Variants in ADRA1A observed in about 807,000 individuals in gnomAD.
The protein encoded by ADRA1A is alpha-1A adrenergic receptor.
ADRA1A carries 31 observed loss-of-function variants against 29.6 expected under a neutral mutation model. The observed-to-expected ratio is 1.05, with a 90% CI of 0.79 to 1.41. The LOEUF is 1.41. ADRA1A is among the 40% of genes most tolerant of loss of function. ADRA1A has a pLI of 0.00. For synonymous variants in ADRA1A, 311 were observed against 254.3 expected, an observed-to-expected ratio of 1.22 and a Z score of -2.12; for missense variants, 619 against 601.1, an observed-to-expected ratio of 1.03 and a Z score of -0.31.
intron 2 of ADRA1A, chr8:26,853,912 G>T (rs1338074852): frequency 6.6e-6 from 1 of 152,254 alleles, no homozygotes; most frequent in African/African-American, 2.4e-5. Context: ...AAGTGGAAAA[G>T]ATAGTTTTAA....
intron 2 of ADRA1A, among the ~76,000 whole-genome samples, chr8:26,757,304 G>A (rs1243429915): frequency 5.9e-5 from 9 of 152,086 alleles, no homozygotes; most frequent in South Asian, 2.1e-4. Flanking sequence ...TGACTACCCC[G>A]TCAGCCTGAG....
At chr8:26,778,031 C>G (rs895970613) in intron 2 of ADRA1A, among the ~76,000 whole-genome samples, 11 of 152,240 alleles carry the variant, frequency 7.2e-5, no homozygotes, top group African/African-American at 2.7e-4. Context: ...GTTCTCTTGA[C>G]AGGATCTGTC....
At chr8:26,853,389 G>A (rs1249179282) in intron 2 of ADRA1A, among the ~76,000 whole-genome samples, 1 of 152,140 alleles carries the variant, frequency 6.6e-6, no homozygotes. Context: ...TGAATCCAGA[G>A]TTTTCTTGGC....
intron 2 of ADRA1A, chr8:26,756,831 C>A: frequency 6.3e-7 from 1 of 1,595,178 alleles, no homozygotes; most frequent in Non-Finnish European, 8.6e-7. Context: ...TTTTTAATAT[C>A]CTAGGCATCA....
intron 2 of ADRA1A, among the ~76,000 whole-genome samples, chr8:26,846,034 C>G (rs886736193): frequency 1.3e-5 from 2 of 152,128 alleles, no homozygotes; most frequent in Non-Finnish European, 2.9e-5. Context: ...TTAAATGCTA[C>G]AGAATTTTAC....
In ADRA1A at chr8:26,796,249, T is replaced by C. The variant is rs541573839; in HGVS notation, c.884-25583A>G. Among the ~76,000 whole-genome samples the C allele has an allele frequency of 2.0e-5, 3 of 152,298 alleles. No individual in the cohort carries two copies. Among genetic ancestry groups the C allele is most frequent in the South Asian group, 4.1e-4 (2 of 4,834 alleles). On this transcript the variant is annotated intron_variant, in intron 2 of 2. Transcript: ENST00000380573. This position sits in a 1 kb window ranked among gnomAD's most constrained non-coding sequence, Gnocchi z 5.0. ...GTACATCAGCTTCATTACATGATTG[T>C]CTCTACTTTTGTATGCATTTGATAA...
At chr8:26,847,495 C>T (rs1376390077) in intron 2 of ADRA1A, among the ~76,000 whole-genome samples, 8 of 152,108 alleles carry the variant, frequency 5.3e-5, no homozygotes, top group Non-Finnish European at 1.0e-4. Flanking sequence ...ATGAAAATTC[C>T]AGGTAAATGT....
rs897290329 is a variant in ADRA1A at position 26,815,980 on chromosome 8, C to T, written c.884-45314G>A. Among the ~76,000 whole-genome samples, 2 of 152,106 alleles carry T rather than the reference C, an allele frequency of 1.3e-5. No individual in the cohort carries two copies. Among genetic ancestry groups the T allele is most frequent in the African/African-American group, 4.8e-5 (2 of 41,408 alleles). On this transcript the variant is annotated intron_variant, in intron 2 of 2. Transcript: ENST00000380573. This position sits in a 1 kb window ranked among gnomAD's most constrained non-coding sequence, Gnocchi z 4.2. Reference sequence around the variant, plus strand: ...GTGCTGCTGGTTGCTTTATCATGAGCCTTGAAAAGTCGCTGGTTCCATGGC... The same window carrying T: ...GTGCTGCTGGTTGCTTTATCATGAGTCTTGAAAAGTCGCTGGTTCCATGGC...
rs577819232 is a variant in ADRA1A at position 26,779,946 on chromosome 8, G to A, written c.884-9280C>T. 1.6e-4 allele frequency among the ~76,000 whole-genome samples: 24 copies of A among 152,296 alleles called. No homozygotes were observed. In the South Asian group the frequency reaches 4.6e-3, roughly 29 times the overall value. ...CCAAGGAGATAGGATGGAAAGGGAA[G>A]AAACCATGGGGGAAAATTCCCAGAA... On this transcript the variant is annotated intron_variant, in intron 2 of 2. Transcript: ENST00000380573.
At chr8:26,850,006 G>A (rs190278291) in intron 2 of ADRA1A, among the ~76,000 whole-genome samples, 1 of 38,534 alleles carries the variant, frequency 2.6e-5, no homozygotes, top group East Asian at 4.9e-4. Context: ...GTAAAAAAGT[G>A]ACTAATGAGA....
At chr8:26,832,140 G>A (rs1381005026) in intron 2 of ADRA1A, among the ~76,000 whole-genome samples, 1 of 152,202 alleles carries the variant, frequency 6.6e-6, no homozygotes, top group Non-Finnish European at 1.5e-5. Context: ...AGTTGGGAAC[G>A]AAGTCTTTGG....
At chr8:26,811,427 C>T (rs530943885) in intron 2 of ADRA1A, among the ~76,000 whole-genome samples, 116 of 152,186 alleles carry the variant, frequency 7.6e-4, no homozygotes, top group African/African-American at 2.6e-3. Context: ...CTCCTGACCT[C>T]GTGATCCACC....
chr8:26,817,040 G>T (rs895994240), intron 2 of ADRA1A, among the ~76,000 whole-genome samples: 2 of 152,154 alleles, frequency 1.3e-5, no homozygotes, highest in Admixed American at 6.5e-5. Context: ...GATAAATTGG[G>T]CTTCATCAAA....
rs989233976 is a variant in ADRA1A, at chr8:26,775,748, T to C, written c.884-5082A>G. On this transcript the variant is annotated intron_variant, in intron 2 of 2. Coordinates refer to ENST00000380573, the MANE Select transcript of ADRA1A (RefSeq NM_000680.4). This position sits in a 1 kb window ranked among gnomAD's most constrained non-coding sequence, Gnocchi z 4.1. ...TGGTCTGCTGCAGAATTTCTGCCTCTTTCCTGACCCTCTGGACACCCTGAC... is the reference window on the plus strand; with the variant it reads ...TGGTCTGCTGCAGAATTTCTGCCTCCTTCCTGACCCTCTGGACACCCTGAC... 2.0e-5 allele frequency among the ~76,000 whole-genome samples: 3 copies of C among 152,194 alleles called. No individual in the cohort carries two copies. Among genetic ancestry groups the C allele is most frequent in the Admixed American group, 2.0e-4 (3 of 15,280 alleles).
At chr8:26,749,123 T>G (rs1162215640) in intron 2 of ADRA1A, among the ~76,000 whole-genome samples, 1 of 152,214 alleles carries the variant, frequency 6.6e-6, no homozygotes, top group Non-Finnish European at 1.5e-5. Flanking sequence ...AACACACTCA[T>G]GGCCCCTAAA....
rs61760547 is a variant in ADRA1A, at chr8:26,781,772, C to A, written c.884-11106G>T. ...GATTCAAGTCCAAGGCCAAACACCA[C>A]ACATCTGAAGCAGTGACACAAACAA... On this transcript the variant is annotated intron_variant, in intron 2 of 2. Transcript: ENST00000380573. Among the ~76,000 whole-genome samples, 21 of 152,322 alleles carry A rather than the reference C, an allele frequency of 1.4e-4. No homozygotes were observed. The East Asian group carries it at 3.1e-3, about 22-fold the overall frequency.
At position 26,864,737 on chromosome 8, in the gene ADRA1A, G is replaced by C. The variant is rs1250383956; in HGVS notation, c.233C>G (p.Thr78Arg). 1.9e-6 allele frequency: 3 copies of C among 1,614,200 alleles called. No homozygotes were observed. The South Asian group carries it at 3.3e-5, about 18-fold the overall frequency. ...GAAGATGGCGGAGAAGGGCAGCACCGTGGAGGTGAGCAGGAGGTCGGCCAC... is the reference window on the plus strand; with the variant it reads ...GAAGATGGCGGAGAAGGGCAGCACCCTGGAGGTGAGCAGGAGGTCGGCCAC... ...LAVADLLLTS[T>R]VLPFSAIFEV... The change falls in exon 2 of 3, where the codon ACG becomes AGG. Residue 78 changes from threonine to arginine, a missense_variant. Coordinates refer to ENST00000380573, the MANE Select transcript of ADRA1A (RefSeq NM_000680.4). This position sits in a 1 kb window ranked among gnomAD's most constrained non-coding sequence, Gnocchi z 8.1.
chr8:26,789,307 A>G (rs2130410326), intron 2 of ADRA1A, among the ~76,000 whole-genome samples: 1 of 152,344 alleles, frequency 6.6e-6, no homozygotes, highest in Non-Finnish European at 1.5e-5. Flanking sequence ...TGATGTAAAA[A>G]TAGACACATA....
At chr8:26,768,082 A>G (rs1213828075), downstream of ADRA1A, among the ~76,000 whole-genome samples, 1 of 152,242 alleles carries the variant, frequency 6.6e-6, no homozygotes, top group African/African-American at 2.4e-5. Flanking sequence ...GACACTCTTC[A>G]GAAAAAGGCT....
Sources: gnomAD v4.1 joint callset for allele counts (sites outside exome capture counted in the v4.1 genomes callset) on GRCh38, gnomAD v4.1.1 for gene constraint, Gnocchi (gnomAD v3.1) non-coding constraint, MANE v1.5 for transcripts, NCBI Gene and HGNC (gene_info 2026-07-23, HGNC 2026-07-21) for gene names.